APPBP2: variants seen among roughly 807,000 people sequenced by gnomAD.
The protein encoded by APPBP2 is amyloid beta precursor protein binding protein 2.
A neutral mutation model predicts 76.0 loss-of-function variants in APPBP2; 15 were observed. That is an observed-to-expected ratio of 0.20 (90% CI 0.13 to 0.30). The LOEUF is 0.30. Ranked by LOEUF, APPBP2 falls within the 10% of genes least tolerant of loss-of-function variation. The pLI, the probability that APPBP2 is intolerant of heterozygous loss-of-function variation, is 1.00. For missense variants in APPBP2, 401 were observed against 687.2 expected, an observed-to-expected ratio of 0.58 and a Z score of 4.66; for synonymous variants, 222 against 242.2, an observed-to-expected ratio of 0.92 and a Z score of 0.77.
chr17:60,483,199 T>C (rs988526569), intron 3 of APPBP2, among the ~76,000 whole-genome samples: 1 of 152,244 alleles, frequency 6.6e-6, no homozygotes, highest in Non-Finnish European at 1.5e-5. Context: ...TATTTTTTCA[T>C]GTGTCTGTTG....
At chr17:60,494,724 G>T in intron 2 of APPBP2, 107 bp from the exon 3 acceptor site, 4 of 1,060,920 alleles carry the variant, frequency 3.8e-6, no homozygotes, top group Non-Finnish European at 5.2e-6. Flanking sequence ...TTTCCAGGAC[G>T]GAATAAGATA....
chr17:60,520,401 C>T (rs2090999339), intron 1 of APPBP2, among the ~76,000 whole-genome samples: 1 of 151,814 alleles, frequency 6.6e-6, no homozygotes, highest in Non-Finnish European at 1.5e-5. Context: ...GGTAAAACCC[C>T]ATCTCTACTA....
chr17:60,448,355 C>T (rs191583981), intron 12 of APPBP2, among the ~76,000 whole-genome samples: 16 of 152,226 alleles, frequency 1.1e-4, no homozygotes, highest in Non-Finnish European at 1.6e-4. Flanking sequence ...CCCAGCTACT[C>T]GAGAGGCTGA....
chr17:60,499,151 C>A (rs144241675), intron 2 of APPBP2, among the ~76,000 whole-genome samples: 1 of 141,294 alleles, frequency 7.1e-6, no homozygotes, highest in East Asian at 2.2e-4. Flanking sequence ...GGCAACACAG[C>A]GAGACCTCAT....
chr17:60,470,433 A>G (rs1345693603), intron 4 of APPBP2, among the ~76,000 whole-genome samples: 4 of 151,852 alleles, frequency 2.6e-5, no homozygotes, highest in East Asian at 3.9e-4. Flanking sequence ...CTGATTTTTA[A>G]AAAAATTATT....
chr17:60,511,919 G>A (rs992991094), intron 1 of APPBP2, among the ~76,000 whole-genome samples: 1 of 151,516 alleles, frequency 6.6e-6, no homozygotes, highest in African/African-American at 2.4e-5. Flanking sequence ...AATTTTTAAC[G>A]GTTCTAAGAA....
chr17:60,512,191 T>C (rs8070690), intron 1 of APPBP2, among the ~76,000 whole-genome samples: 12,194 of 151,196 alleles, frequency 0.081, 1,638 homozygotes, highest in African/African-American at 0.28. Context: ...CAAGCTCTGC[T>C]TCCCGGGTTC....
intron 1 of APPBP2, among the ~76,000 whole-genome samples, chr17:60,503,407 G>A (rs1440762145): frequency 7.0e-6 from 1 of 142,744 alleles, no homozygotes; most frequent in Non-Finnish European, 1.5e-5. Flanking sequence ...TTTTTTTTGA[G>A]ACAGAGTTTT....
intron 2 of APPBP2, among the ~76,000 whole-genome samples, chr17:60,495,225 A>G (rs982377224): frequency 3.3e-5 from 5 of 151,476 alleles, no homozygotes; most frequent in African/African-American, 4.8e-5. Flanking sequence ...TGACCTTGTG[A>G]TCTACCCACC....
At chr17:60,516,412 G>C (rs1013299364) in intron 1 of APPBP2, among the ~76,000 whole-genome samples, 8 of 152,116 alleles carry the variant, frequency 5.3e-5, no homozygotes, top group Admixed American at 6.6e-5. Context: ...GAACTGTCAG[G>C]TATTTCTTTT....
intron 12 of APPBP2, among the ~76,000 whole-genome samples, chr17:60,448,945 A>T (rs922871026): frequency 2.6e-5 from 4 of 152,222 alleles, no homozygotes; most frequent in Admixed American, 2.0e-4. Context: ...AAAAAAATTA[A>T]CAAAATAAAC....
At chr17:60,469,208 TC>T (rs2090533276) in intron 4 of APPBP2, among the ~76,000 whole-genome samples, 1 of 151,264 alleles carries the variant, frequency 6.6e-6, no homozygotes, top group African/African-American at 2.4e-5. Context: ...TGCCTGTAGT[TC>T]CAGCTACTTG....
At position 60,494,640 on chromosome 17, in the gene APPBP2, T is replaced by C. The variant is rs201515050; in HGVS notation, c.228-23A>G. On this transcript the variant is annotated intron_variant, in intron 2 of 12. Coordinates refer to ENST00000083182, the MANE Select transcript of APPBP2 (RefSeq NM_006380.5). ...TGTCTGTAAGAAAAGAAAAAGATTA[T>C]TTTATAGAGTTAATTTATTTTTCTC... The C allele has an allele frequency of 3.7e-3, 5,712 of 1,552,110 alleles. 24 individuals are homozygous for C. Among genetic ancestry groups the C allele is most frequent in the South Asian group, 5.2e-3 (426 of 81,602 alleles).
chr17:60,500,493 AT>A lies in APPBP2; in HGVS notation c.139-7del. On this transcript the variant is annotated splice_polypyrimidine_tract_variant and splice_region_variant and intron_variant, in intron 1 of 12. Coordinates refer to ENST00000083182, the MANE Select transcript of APPBP2 (RefSeq NM_006380.5). ...AAGCGTCCCTGTTGGTAAAGCTGAA[AT>A]AAAAAACAAATGATTTAAAAATTTT... The A allele has an allele frequency of 6.3e-7, 1 of 1,586,774 alleles. No homozygotes were observed.
chr17:60,467,865 C>G (rs762887580), intron 4 of APPBP2, among the ~76,000 whole-genome samples: 1 of 151,968 alleles, frequency 6.6e-6, no homozygotes, highest in African/African-American at 2.4e-5. Flanking sequence ...GAAATCCTGG[C>G]ATAGTCAAAG....
chr17:60,512,410 G>A (rs1443201917), intron 1 of APPBP2, among the ~76,000 whole-genome samples: 2 of 151,784 alleles, frequency 1.3e-5, no homozygotes, highest in Non-Finnish European at 2.9e-5. Context: ...TTCCTATATT[G>A]CATATAGAAA....
chr17:60,479,316 C>G, intron 3 of APPBP2, 45 bp from the exon 4 acceptor site: 1 of 1,559,328 alleles, frequency 6.4e-7, no homozygotes. Flanking sequence ...TGATAAATAG[C>G]CTGCAAGATA....
At chr17:60,482,468 CTT>C (rs1336675558) in intron 3 of APPBP2, among the ~76,000 whole-genome samples, 2 of 151,958 alleles carry the variant, frequency 1.3e-5, no homozygotes, top group African/African-American at 4.8e-5. Context: ...TATTATTATA[CTT>C]TAAGTTCTAG....
At chr17:60,466,148 T>C (rs1230213622) in intron 5 of APPBP2, 143 bp downstream of exon 5, 27 of 781,004 alleles carry the variant, frequency 3.5e-5, no homozygotes, top group Non-Finnish European at 5.0e-5. Flanking sequence ...GATTTTAAAT[T>C]TTCCATTACA....
Sources: gnomAD v4.1 joint callset for allele counts (sites outside exome capture counted in the v4.1 genomes callset) on GRCh38, gnomAD v4.1.1 for gene constraint, MANE v1.5 for transcripts, NCBI Gene and HGNC (gene_info 2026-07-23, HGNC 2026-07-21) for gene names.